SLCO1A2: variants seen among roughly 807,000 people sequenced by gnomAD.
The protein encoded by SLCO1A2 is OATP-1.
Under a neutral mutation model 69.0 loss-of-function variants are expected in SLCO1A2, and 67 were observed. The observed-to-expected ratio is 0.97, with a 90% CI of 0.80 to 1.19. SLCO1A2 has a LOEUF of 1.19. Ranked by LOEUF, SLCO1A2 falls within the 50% of genes most tolerant of loss-of-function variation. SLCO1A2 has a pLI of 0.00. For missense variants in SLCO1A2, 787 were observed against 793.7 expected (o/e 0.99, Z 0.10); for synonymous variants, 260 against 265.9 (o/e 0.98, Z 0.22).
At chr12:21,280,564 G>A (rs1217553505) in intron 12 of SLCO1A2, among the ~76,000 whole-genome samples, 1 of 151,678 alleles carries the variant, frequency 6.6e-6, no homozygotes, top group Non-Finnish European at 1.5e-5. Context: ...CAACATTGAA[G>A]CACCCAGATA....
chr12:21,321,201 C>A (rs1951573788), intron 2 of SLCO1A2, among the ~76,000 whole-genome samples: 1 of 152,188 alleles, frequency 6.6e-6, no homozygotes, highest in African/African-American at 2.4e-5. Context: ...ATACCTATAT[C>A]TCTGACTAAC....
intron 2 of SLCO1A2, among the ~76,000 whole-genome samples, chr12:21,332,626 G>A (rs987227728): frequency 1.3e-5 from 2 of 152,006 alleles, no homozygotes; most frequent in Admixed American, 6.6e-5. Context: ...GGAGCAGGGG[G>A]TGGGAGGGTT....
chr12:21,400,313 A>C (rs1045828845), upstream of SLCO1A2, among the ~76,000 whole-genome samples: 1 of 152,158 alleles, frequency 6.6e-6, no homozygotes, highest in African/African-American at 2.4e-5. Context: ...AATGCAAATC[A>C]AAACCACAAT....
rs930477982 is a variant in SLCO1A2, at chr12:21,296,758, C to G, written c.1075+646G>C. Among the ~76,000 whole-genome samples the G allele has an allele frequency of 2.6e-5, 4 of 152,314 alleles. 1 individual carries two copies. The East Asian group carries it at 7.7e-4, about 29-fold the overall frequency. ...TGAGAGAGCTTGTTAAAAATCCATT[C>G]CAGAGCCCCACGCCCTAGAGTCTGA... On this transcript the variant is annotated intron_variant, in intron 9 of 14. Coordinates refer to ENST00000683939, the MANE Select transcript of SLCO1A2 (RefSeq NM_001386879.1).
Position 21,291,117 on chromosome 12 carries a change from GT to G in SLCO1A2, c.1610+1046del, listed in dbSNP as rs920146899. On this transcript the variant is annotated intron_variant, in intron 12 of 14. Transcript: ENST00000683939. ...TTGACACATCAATGAGCTATCATTAGTATTTTACACCCATTGGATTAGTCAA... is the reference window on the plus strand; with the variant it reads ...TTGACACATCAATGAGCTATCATTAGATTTTACACCCATTGGATTAGTCAA... 7.2e-5 allele frequency among the ~76,000 whole-genome samples: 11 copies of G among 152,092 alleles called. No individual in the cohort carries two copies. The South Asian group carries it at 1.9e-3, about 26-fold the overall frequency.
At chr12:21,275,023 T>A in intron 13 of SLCO1A2, 1 of 1,018,388 alleles carries the variant, frequency 9.8e-7, no homozygotes, top group Non-Finnish European at 1.2e-6. Context: ...TATAACGTGC[T>A]TTTTACATAC....
chr12:21,405,723 T>C (rs770701117), intron 1 of SLCO1A2, among the ~76,000 whole-genome samples: 3 of 152,198 alleles, frequency 2.0e-5, no homozygotes, highest in Non-Finnish European at 4.4e-5. Context: ...AAATTGAAAC[T>C]GGACCCCTTC....
chr12:21,310,895 G>A lies in SLCO1A2; in HGVS notation c.335+3654C>T, dbSNP rs181268046. 1.9e-4 allele frequency among the ~76,000 whole-genome samples: 29 copies of A among 152,258 alleles called. No homozygotes were observed. The East Asian group carries it at 2.1e-3, about 11-fold the overall frequency. The stretch of plus-strand genomic sequence containing the variant: ...TAGGATTATAGGCGTGAGCCACCGC[G>A]CCCAGCCGCACATAATGCTGTTTGA... On this transcript the variant is annotated intron_variant, in intron 4 of 14. Transcript: ENST00000683939.
intron 1 of SLCO1A2, among the ~76,000 whole-genome samples, chr12:21,382,220 C>A (rs1940628703): frequency 6.6e-6 from 1 of 152,082 alleles, no homozygotes; most frequent in African/African-American, 2.4e-5. Context: ...AGCGAAGTAA[C>A]AACAAGAGTG....
chr12:21,414,161 C>T (rs183063364), intron 1 of SLCO1A2, among the ~76,000 whole-genome samples: 59 of 152,206 alleles, frequency 3.9e-4, no homozygotes, highest in African/African-American at 1.4e-3. Flanking sequence ...AATAAATTCC[C>T]TTATTTCCTA....
chr12:21,318,309 C>T (rs973552470), intron 3 of SLCO1A2, among the ~76,000 whole-genome samples: 6 of 151,946 alleles, frequency 3.9e-5, no homozygotes, highest in Non-Finnish European at 7.4e-5. Context: ...CTAGCAGAGA[C>T]GGGGTTTCAC....
upstream of SLCO1A2, chr12:21,419,388 G>T (rs540715637): frequency 1.3e-5 from 2 of 153,340 alleles, no homozygotes; most frequent in East Asian, 3.8e-4. Context: ...GAAGCAGGGC[G>T]AGGCATTGCC....
intron 3 of SLCO1A2, among the ~76,000 whole-genome samples, chr12:21,317,122 T>C (rs1303909677): frequency 2.0e-5 from 3 of 152,178 alleles, no homozygotes; most frequent in African/African-American, 7.2e-5. Flanking sequence ...CGGGATCATA[T>C]GGTGTTAGAA....
At chr12:21,370,736 C>T (rs1262618428) in intron 2 of SLCO1A2, among the ~76,000 whole-genome samples, 1 of 152,044 alleles carries the variant, frequency 6.6e-6, no homozygotes, top group Non-Finnish European at 1.5e-5. Context: ...TCTAAATGAA[C>T]ACTAGACCAT....
chr12:21,269,630 A>T lies in SLCO1A2; in HGVS notation c.1931T>A (p.Val644Asp). The change falls in exon 15 of 15, where the codon GTC becomes GAC. Residue 644 changes from valine to aspartate, a missense_variant. Coordinates refer to ENST00000683939, the MANE Select transcript of SLCO1A2 (RefSeq NM_001386879.1). ...SSGTELIETKVKGKENECKDI... is the reference protein window; with the variant it reads ...SSGTELIETKDKGKENECKDI... ...TTTGCACTCATTTTCCTTCCCTTTG[A>T]CTTTTGTCTCTATAAGCTCTGTTCC... 6.2e-7 allele frequency: 1 copy of T among 1,612,546 alleles called. No homozygotes were observed.
At chr12:21,352,952 G>C (rs776698072) in intron 2 of SLCO1A2, among the ~76,000 whole-genome samples, 4 of 152,212 alleles carry the variant, frequency 2.6e-5, no homozygotes, top group Admixed American at 2.6e-4. Flanking sequence ...TTAAACTTTC[G>C]AACAGTGGTT....
chr12:21,395,705 G>A (rs1295817880), upstream of SLCO1A2, among the ~76,000 whole-genome samples: 1 of 152,160 alleles, frequency 6.6e-6, no homozygotes, highest in Non-Finnish European at 1.5e-5. Flanking sequence ...CCTCAAGTGG[G>A]TCCCTGACCC....
intron 5 of SLCO1A2, among the ~76,000 whole-genome samples, chr12:21,305,357 A>G (rs972311927): frequency 1.3e-5 from 2 of 152,250 alleles, no homozygotes; most frequent in Non-Finnish European, 2.9e-5. Context: ...TCCCGTTTTC[A>G]GGGATCTGAA....
intron 5 of SLCO1A2, 102 bp downstream of exon 5, chr12:21,306,776 CTTTG>C (rs1031117305): frequency 1.5e-6 from 1 of 662,280 alleles, no homozygotes; most frequent in Non-Finnish European, 2.6e-6. Context: ...GAGAACATAT[CTTTG>C]TTTATTTATC....
Sources: allele counts gnomAD v4.1 joint callset (sites outside exome capture counted in the v4.1 genomes callset), GRCh38; gene constraint gnomAD v4.1.1; transcripts MANE v1.5; gene names NCBI Gene and HGNC (gene_info 2026-07-23, HGNC 2026-07-21).